Variants in NHSL1 observed in about 807,000 individuals in gnomAD.
NHSL1 encodes the protein NHS like 1, also known as NHS-like protein 1.
In NHSL1, 48 loss-of-function variants were observed where a neutral mutation model predicts 95.0. That is an observed-to-expected ratio of 0.51 (90% CI 0.40 to 0.64). The LOEUF (loss-of-function observed/expected upper bound fraction) is 0.64. Among genes scored for constraint, NHSL1 ranks in the 30% least tolerant of loss-of-function variants. The pLI is 0.00. For missense variants in NHSL1, 1,971 were observed against 2,077.7 expected (o/e 0.95, Z 1.00); for synonymous variants, 783 against 833.9 (o/e 0.94, Z 1.05).
At chr6:138,595,991 A>G (rs563921222) in intron 1 of NHSL1, among the ~76,000 whole-genome samples, 1 of 152,166 alleles carries the variant, frequency 6.6e-6, no homozygotes, top group African/African-American at 2.4e-5. Context: ...CCCAACCCCA[A>G]GAGAAAAAAA....
chr6:138,487,276 T>G (rs1263308521), intron 2 of NHSL1, among the ~76,000 whole-genome samples: 1 of 152,194 alleles, frequency 6.6e-6, no homozygotes, highest in Non-Finnish European at 1.5e-5. Flanking sequence ...GTAAAGAATT[T>G]TTAACTAGGG....
chr6:138,590,621 A>T (rs972396826), intron 1 of NHSL1, among the ~76,000 whole-genome samples: 1 of 152,112 alleles, frequency 6.6e-6, no homozygotes, highest in Non-Finnish European at 1.5e-5. Flanking sequence ...ACAGAGTCCA[A>T]CCTGTCTGTA....
At chr6:138,496,071 G>T in intron 2 of NHSL1, 148 bp downstream of exon 2, 1 of 868,106 alleles carries the variant, frequency 1.2e-6, no homozygotes, top group Non-Finnish European at 1.8e-6. Flanking sequence ...ATATCAGCAT[G>T]TATTAGGTTG....
rs76383108 is a variant in NHSL1, at chr6:138,505,358, T to C, written c.17-8987A>G. On this transcript the variant is annotated intron_variant, in intron 1 of 4. Transcript: ENST00000342260. ...AGATAAAATTTGAATCTTTGAGCAA[T>C]TGAAAATGAAACAGGGGCTGGGCAT... Among the ~76,000 whole-genome samples, 781 of 152,232 alleles carry C rather than the reference T, an allele frequency of 5.1e-3. 8 individuals carry two copies. The highest frequency in any genetic ancestry group is 0.018 in the African/African-American group (740 of 41,558).
intron 1 of NHSL1, among the ~76,000 whole-genome samples, chr6:138,593,411 GCA>G (rs1784259667): frequency 6.6e-6 from 1 of 152,358 alleles, no homozygotes; most frequent in South Asian, 2.1e-4. Context: ...GGCTTTGGTA[GCA>G]CAGAGTTCAT....
At chr6:138,473,530 T>C (rs1778884147) in intron 2 of NHSL1, 97 bp from the exon 3 acceptor site, 1 of 1,271,848 alleles carries the variant, frequency 7.9e-7, no homozygotes, top group Non-Finnish European at 1.0e-6. Context: ...CTTTTTAAAG[T>C]TATATTTTTC....
intron 2 of NHSL1, among the ~76,000 whole-genome samples, chr6:138,479,716 T>C (rs2128257853): frequency 6.6e-6 from 1 of 152,356 alleles, no homozygotes; most frequent in Non-Finnish European, 1.5e-5. Context: ...ACTTTAAACA[T>C]GCTATTATCT....
chr6:138,424,283 G>A lies in NHSL1; in HGVS notation c.4619C>T (p.Ala1540Val). 6.6e-7 allele frequency: 1 copy of A among 1,505,450 alleles called. No individual in the cohort carries two copies. Among genetic ancestry groups the A allele is most frequent in the Non-Finnish European group, 8.9e-7 (1 of 1,124,432 alleles). 93.3% of individuals were successfully genotyped at this position (1,505,450 alleles called of 1,614,324 possible). ...GEAVEPVDSI[A>V]RGALGAAEGC... ...CTCCGCAGCGCCCAGAGCCCCGCGG[G>A]CTATGCTGTCCACAGGCTCCACGGC... The change falls in exon 8 of 8, where the codon GCC becomes GTC. Residue 1540 changes from alanine (A) to valine (V), a missense_variant. Physicochemically the swap from Ala to Val is moderately conservative, Grantham distance 64. Transcript: ENST00000343505. This position sits in a 1 kb window ranked among gnomAD's most constrained non-coding sequence, Gnocchi z 5.9.
intron 1 of NHSL1, among the ~76,000 whole-genome samples, chr6:138,561,377 C>T (rs866540224): frequency 2.6e-5 from 4 of 152,262 alleles, no homozygotes; most frequent in Middle Eastern, 6.8e-3. Flanking sequence ...CTTATTCCCT[C>T]CTCTTCCCTC....
At chr6:138,545,696 A>G (rs1782763763) in exon 1 of NHSL1, 3 of 1,286,062 alleles carry the variant, frequency 2.3e-6, no homozygotes, top group South Asian at 2.5e-5. Flanking sequence ...CTGCAGTGCT[A>G]GGCACAGCTG....
chr6:138,610,255 C>T (rs1784491758), intron 1 of NHSL1, among the ~76,000 whole-genome samples: 1 of 152,064 alleles, frequency 6.6e-6, no homozygotes, highest in African/African-American at 2.4e-5. Flanking sequence ...TGTGAAGAGT[C>T]CAGAGATCAT....
At chr6:138,665,607 A>G (rs1003922003) in intron 1 of NHSL1, among the ~76,000 whole-genome samples, 4 of 152,246 alleles carry the variant, frequency 2.6e-5, no homozygotes, top group African/African-American at 4.8e-5. Flanking sequence ...GTTGAACACA[A>G]TAACTTATCA....
intron 2 of NHSL1, among the ~76,000 whole-genome samples, chr6:138,486,458 ACT>A (rs1779734469): frequency 6.6e-6 from 1 of 151,306 alleles, no homozygotes; most frequent in Non-Finnish European, 1.5e-5. Context: ...TCTTACAATG[ACT>A]CTCTCCCCAC....
At chr6:138,441,869 G>T in intron 5 of NHSL1, 114 bp downstream of exon 5, 1 of 991,692 alleles carries the variant, frequency 1.0e-6, no homozygotes, top group Non-Finnish European at 1.4e-6. Context: ...TGGCCCGTTG[G>T]GGCACCAAAC....
intron 1 of NHSL1, among the ~76,000 whole-genome samples, chr6:138,569,958 G>A (rs149996955): frequency 1.8e-4 from 27 of 151,576 alleles, no homozygotes; most frequent in South Asian, 4.2e-4. Context: ...CCCCTATTCC[G>A]TTAAGGGATA....
intron 1 of NHSL1, among the ~76,000 whole-genome samples, chr6:138,626,442 G>A (rs1484501906): frequency 6.6e-6 from 1 of 152,130 alleles, no homozygotes; most frequent in Non-Finnish European, 1.5e-5. Flanking sequence ...TTTTCTCTGT[G>A]ACGGCATAGC....
intron 1 of NHSL1, among the ~76,000 whole-genome samples, chr6:138,635,247 T>C (rs1316804164): frequency 6.6e-6 from 1 of 152,024 alleles, no homozygotes; most frequent in South Asian, 2.1e-4. Flanking sequence ...CATGAAAACA[T>C]GAAACAAAAC....
chr6:138,484,132 A>G (rs986275929), intron 2 of NHSL1, among the ~76,000 whole-genome samples: 26 of 152,244 alleles, frequency 1.7e-4, no homozygotes, highest in Non-Finnish European at 5.9e-5. Flanking sequence ...ATTTTGTCTC[A>G]GTAGAATTTC....
At position 138,584,092 on chromosome 6, in the gene NHSL1, C is replaced by T. The variant is rs768725510; in HGVS notation, c.97-87721G>A. Reference sequence around the variant, plus strand: ...TATGAATGCACCACTGCACTCCAGCCTGGGCAACAGAGCAAGATTTTATCT... The same window carrying T: ...TATGAATGCACCACTGCACTCCAGCTTGGGCAACAGAGCAAGATTTTATCT... On this transcript the variant is annotated intron_variant, in intron 1 of 3. Transcript: ENST00000491526. 9.9e-5 allele frequency among the ~76,000 whole-genome samples: 15 copies of T among 152,248 alleles called. No individual in the cohort carries two copies. In the Middle Eastern group the frequency reaches 0.014, roughly 138 times the overall value.
Sources: allele counts gnomAD v4.1 joint callset (sites outside exome capture counted in the v4.1 genomes callset), GRCh38; gene constraint gnomAD v4.1.1; non-coding constraint Gnocchi (gnomAD v3.1); transcripts MANE v1.5; gene names NCBI Gene and HGNC (gene_info 2026-07-23, HGNC 2026-07-21).